Variants in AP3B1 observed in about 807,000 individuals in gnomAD.
The protein encoded by AP3B1 is adaptor related protein complex 3 subunit beta 1.
In AP3B1, 61 loss-of-function variants were observed where a neutral mutation model predicts 132.5. The observed-to-expected ratio is 0.46, with a 90% CI of 0.37 to 0.57. The LOEUF (loss-of-function observed/expected upper bound fraction) is 0.57. Among genes scored for constraint, AP3B1 ranks in the 20% least tolerant of loss-of-function variants. The pLI is 0.00. For synonymous variants in AP3B1, 388 were observed against 438.3 expected, an observed-to-expected ratio of 0.89 and a Z score of 1.43; for missense variants, 1,120 against 1,289.4, an observed-to-expected ratio of 0.87 and a Z score of 2.01.
At chr5:78,147,371 T>G (rs1753450591) in intron 14 of AP3B1, among the ~76,000 whole-genome samples, 1 of 152,190 alleles carries the variant, frequency 6.6e-6, no homozygotes, top group African/African-American at 2.4e-5. Context: ...TTGATTAAGG[T>G]GCTTTAACTA....
At chr5:78,037,302 T>G (rs1233108724) in intron 23 of AP3B1, among the ~76,000 whole-genome samples, 1 of 152,040 alleles carries the variant, frequency 6.6e-6, no homozygotes, top group Non-Finnish European at 1.5e-5. Flanking sequence ...CTAAACTAAT[T>G]TTTTTTAACT....
intron 20 of AP3B1, among the ~76,000 whole-genome samples, chr5:78,105,640 T>C (rs1269781218): frequency 1.3e-5 from 2 of 152,196 alleles, no homozygotes; most frequent in African/African-American, 2.4e-5. Context: ...TAGGTGTTAT[T>C]TGGAACAAAA....
At chr5:78,198,458 G>A (rs1157702769) in intron 7 of AP3B1, among the ~76,000 whole-genome samples, 1 of 152,126 alleles carries the variant, frequency 6.6e-6, no homozygotes, top group African/African-American at 2.4e-5. Flanking sequence ...TCCTCCTGGT[G>A]TGTGGACAGC....
intron 1 of AP3B1, among the ~76,000 whole-genome samples, chr5:78,280,465 T>G (rs1019312205): frequency 1.3e-5 from 2 of 152,214 alleles, no homozygotes; most frequent in Admixed American, 1.3e-4. Flanking sequence ...CTCACTGCTA[T>G]TGGCATGCCA....
intron 26 of AP3B1, 77 bp downstream of exon 26, chr5:78,015,333 A>C: frequency 6.9e-7 from 1 of 1,456,522 alleles, no homozygotes. Flanking sequence ...TTTCCAAAGA[A>C]AACAATGAAT....
intron 24 of AP3B1, among the ~76,000 whole-genome samples, chr5:78,032,421 G>C (rs975092086): frequency 3.3e-5 from 5 of 151,982 alleles, no homozygotes; most frequent in African/African-American, 1.2e-4. Context: ...GAACTACCAA[G>C]ACTAATACAG....
intron 15 of AP3B1, among the ~76,000 whole-genome samples, chr5:78,136,030 G>A (rs1362455809): frequency 6.6e-6 from 1 of 151,988 alleles, no homozygotes; most frequent in Non-Finnish European, 1.5e-5. Flanking sequence ...AAAAAAAGAG[G>A]GGCGGGGAGA....
At chr5:78,200,013 T>C (rs1396833888) in intron 7 of AP3B1, among the ~76,000 whole-genome samples, 1 of 152,096 alleles carries the variant, frequency 6.6e-6, no homozygotes, top group African/African-American at 2.4e-5. Context: ...AATATGAAGA[T>C]AACCAGTAGA....
chr5:78,210,006 A>G (rs147635917), intron 7 of AP3B1, among the ~76,000 whole-genome samples: 243 of 152,338 alleles, frequency 1.6e-3, no homozygotes, highest in African/African-American at 5.6e-3. Context: ...ACATTATTTC[A>G]ATATTAGATC....
rs2112069532 is a variant in AP3B1, at chr5:78,022,584, G to A, written c.2895-1795C>T. On this transcript the variant is annotated intron_variant, in intron 24 of 26. Transcript: ENST00000255194. ...TTCACTCTCTAAAGTGTCCTGATAT[G>A]TGTGATAAAGCATATGGTTACTTTA... Among the ~76,000 whole-genome samples the A allele has an allele frequency of 2.0e-5, 3 of 152,308 alleles. No individual in the cohort carries two copies. In the Middle Eastern group the frequency reaches 0.01, roughly 518 times the overall value.
intron 6 of AP3B1, among the ~76,000 whole-genome samples, chr5:78,223,019 G>GTTTCTCTTTTTTTTT (rs1229443158): frequency 9.5e-6 from 1 of 105,356 alleles, no homozygotes; most frequent in African/African-American, 3.6e-5. Flanking sequence ...TTGTTTGTTT[G>GTTTCTCTTTTTTTTT]TTTGTTTCTT....
At chr5:78,110,433 TC>T in intron 19 of AP3B1, 79 bp from the exon 20 acceptor site, 1 of 1,070,644 alleles carries the variant, frequency 9.3e-7, no homozygotes, top group Non-Finnish European at 1.4e-6. Flanking sequence ...GTTTTTAAAT[TC>T]CAGAATACAT....
At chr5:78,292,874 CTTTTTCTTT>C (rs1198604520) in intron 1 of AP3B1, among the ~76,000 whole-genome samples, 4 of 151,236 alleles carry the variant, frequency 2.6e-5, no homozygotes, top group African/African-American at 7.3e-5. Flanking sequence ...TGACAAAAAT[CTTTTTCTTT>C]TTTTTCTTTT....
chr5:78,051,393 ATAGT>A (rs1215225240), intron 22 of AP3B1, among the ~76,000 whole-genome samples: 4 of 151,936 alleles, frequency 2.6e-5, no homozygotes, highest in Non-Finnish European at 5.9e-5. Flanking sequence ...CTAGTCACTA[ATAGT>A]TATTTTATGA....
At chr5:78,090,552 A>T (rs1039870046) in intron 21 of AP3B1, among the ~76,000 whole-genome samples, 7 of 152,240 alleles carry the variant, frequency 4.6e-5, no homozygotes, top group Admixed American at 1.3e-4. Flanking sequence ...ACCTGCAAAC[A>T]GCTTATATGT....
intron 21 of AP3B1, among the ~76,000 whole-genome samples, chr5:78,097,510 G>C (rs1750907172): frequency 1.2e-5 from 1 of 80,690 alleles, no homozygotes; most frequent in African/African-American, 5.1e-5. Context: ...GAGGGAGGTG[G>C]GGGGGTCAGC....
chr5:78,150,179 G>C (rs374150555), intron 14 of AP3B1, among the ~76,000 whole-genome samples: 1 of 152,092 alleles, frequency 6.6e-6, no homozygotes, highest in Admixed American at 6.5e-5. Context: ...ATTTATTATA[G>C]AACATCACTT....
At chr5:78,294,418 C>T in intron 1 of AP3B1, 34 bp downstream of exon 1, 1 of 1,613,658 alleles carries the variant, frequency 6.2e-7, no homozygotes, top group Non-Finnish European at 8.5e-7. Flanking sequence ...CAGCTCCTCC[C>T]TCCCATCCCC....
At chr5:78,268,541 A>G (rs555850125) in intron 1 of AP3B1, among the ~76,000 whole-genome samples, 1 of 152,200 alleles carries the variant, frequency 6.6e-6, no homozygotes, top group South Asian at 2.1e-4. Flanking sequence ...CTCCTCTACC[A>G]GTTTTATCTG....
Sources: allele counts gnomAD v4.1 joint callset (sites outside exome capture counted in the v4.1 genomes callset), GRCh38; gene constraint gnomAD v4.1.1; transcripts MANE v1.5; gene names NCBI Gene and HGNC (gene_info 2026-07-23, HGNC 2026-07-21).